Variants in NPAS3 observed in about 807,000 individuals in gnomAD.
The protein encoded by NPAS3 is neuronal PAS domain protein 3.
NPAS3 carries 14 observed loss-of-function variants against 73.1 expected under a neutral mutation model. The observed-to-expected ratio is 0.19, with a 90% CI of 0.13 to 0.30. The LOEUF (loss-of-function observed/expected upper bound fraction) is 0.30, where lower values mean the gene tolerates loss of function less well. Ranked by LOEUF, NPAS3 falls within the 10% of genes least tolerant of loss-of-function variation. The pLI, the probability that NPAS3 is intolerant of heterozygous loss-of-function variation, is 1.00. For synonymous variants in NPAS3, 620 were observed against 541.5 expected (o/e 1.14, Z -2.01); for missense variants, 1,096 against 1,250.0 (o/e 0.88, Z 1.86).
chr14:32,939,816 G>A (rs2035903932), intron 1 of NPAS3, among the ~76,000 whole-genome samples: 2 of 151,454 alleles, frequency 1.3e-5, no homozygotes, highest in Admixed American at 1.3e-4. Flanking sequence ...GGAAGGCGGC[G>A]AGCAGGGGGA....
At chr14:33,457,120 A>G (rs998385980) in intron 4 of NPAS3, among the ~76,000 whole-genome samples, 1 of 152,222 alleles carries the variant, frequency 6.6e-6, no homozygotes, top group Non-Finnish European at 1.5e-5. Flanking sequence ...GTCGCCGTCC[A>G]AATATTTATC....
chr14:33,580,152 A>T (rs2056605792), intron 5 of NPAS3, among the ~76,000 whole-genome samples: 1 of 152,170 alleles, frequency 6.6e-6, no homozygotes, highest in Non-Finnish European at 1.5e-5. Flanking sequence ...ATATTCTAAG[A>T]TGCAGAATTT....
At chr14:33,095,890 T>C (rs1199367667) in intron 2 of NPAS3, among the ~76,000 whole-genome samples, 1 of 151,646 alleles carries the variant, frequency 6.6e-6, no homozygotes, top group Admixed American at 6.6e-5. Context: ...GCCAGGATGG[T>C]CTCGATCTCC....
intron 9 of NPAS3, among the ~76,000 whole-genome samples, chr14:33,784,745 A>ATTTTTTTTTTTTTTTTTT (rs1226491375): frequency 6.8e-5 from 5 of 73,860 alleles, no homozygotes; most frequent in African/African-American, 1.9e-4. Flanking sequence ...TTATTTATTT[A>ATTTTTTTTTTTTTTTTTT]TTTTTTTTTT....
At chr14:32,952,664 C>G (rs2036528940) in intron 1 of NPAS3, among the ~76,000 whole-genome samples, 1 of 152,016 alleles carries the variant, frequency 6.6e-6, no homozygotes, top group South Asian at 2.1e-4. Flanking sequence ...GGTTAAATAC[C>G]TGTGTTGTAC....
chr14:32,939,358 G>A (rs1357828879), exon 1 of NPAS3: 1 of 721,260 alleles, frequency 1.4e-6, no homozygotes, highest in Non-Finnish European at 2.4e-6. Context: ...ATCCTTCCAG[G>A]CGAGAACGGT....
chr14:33,539,694 C>A (rs1454088775), intron 4 of NPAS3, among the ~76,000 whole-genome samples: 1 of 152,154 alleles, frequency 6.6e-6, no homozygotes, highest in South Asian at 2.1e-4. Context: ...TCCATGCACA[C>A]TTTTCTTTCA....
intron 6 of NPAS3, among the ~76,000 whole-genome samples, chr14:33,717,283 A>G (rs995018347): frequency 2.0e-5 from 3 of 150,816 alleles, no homozygotes; most frequent in Non-Finnish European, 1.5e-5. Context: ...TTCCTCAGGG[A>G]CAAAAGGTAG....
chr14:33,663,074 T>C (rs1358056139), intron 5 of NPAS3, among the ~76,000 whole-genome samples: 1 of 151,998 alleles, frequency 6.6e-6, no homozygotes, highest in African/African-American at 2.4e-5. Context: ...TTATTTTTTT[T>C]CTCTTGCCTG....
chr14:33,713,566 T>C (rs2060879793), intron 6 of NPAS3, among the ~76,000 whole-genome samples: 1 of 152,336 alleles, frequency 6.6e-6, no homozygotes, highest in African/African-American at 2.4e-5. Flanking sequence ...TCCTCTGACA[T>C]CCACATTCAG....
intron 3 of NPAS3, among the ~76,000 whole-genome samples, chr14:33,284,266 T>C (rs1367813251): frequency 6.6e-6 from 1 of 152,146 alleles, no homozygotes; most frequent in East Asian, 1.9e-4. Context: ...TGTTTGGCTG[T>C]ATTTTGGGGT....
At chr14:33,165,488 G>C (rs926362230) in intron 2 of NPAS3, among the ~76,000 whole-genome samples, 1 of 152,048 alleles carries the variant, frequency 6.6e-6, no homozygotes, top group Non-Finnish European at 1.5e-5. Context: ...CTAATGTGAG[G>C]AGCTGTGCAG....
upstream of NPAS3, chr14:32,934,792 GC>G: frequency 8.9e-6 from 2 of 225,184 alleles, no homozygotes; most frequent in Non-Finnish European, 7.5e-6. The surrounding 1 kb of genome is among the most constrained non-coding windows in gnomAD (Gnocchi z 4.1). Context: ...CCGAGCCCGA[GC>G]CCCCGCCAGC....
At chr14:33,191,961 G>T (rs1417086010) in intron 2 of NPAS3, among the ~76,000 whole-genome samples, 1 of 152,100 alleles carries the variant, frequency 6.6e-6, no homozygotes, top group Non-Finnish European at 1.5e-5. Context: ...TGTGTGTGTG[G>T]TTTTTTTAAA....
At chr14:33,667,322 T>TAAAAAC (rs1480213486) in intron 5 of NPAS3, among the ~76,000 whole-genome samples, 1 of 152,170 alleles carries the variant, frequency 6.6e-6, no homozygotes, top group Non-Finnish European at 1.5e-5. Flanking sequence ...TGAAATAAAA[T>TAAAAAC]GCCAGATTAC....
At chr14:33,569,676 T>C (rs1324294933) in intron 5 of NPAS3, among the ~76,000 whole-genome samples, 1 of 152,204 alleles carries the variant, frequency 6.6e-6, no homozygotes, top group Non-Finnish European at 1.5e-5. Flanking sequence ...AACATGCAGA[T>C]AGAGGATGGT....
rs10582207 is a variant in NPAS3, at chr14:33,797,863, CATAT to C, written c.1426+295_1426+298del. On this transcript the variant is annotated intron_variant, in intron 11 of 11. Coordinates refer to ENST00000356141, the Ensembl canonical transcript of NPAS3. The stretch of plus-strand genomic sequence containing the variant: ...ACATCTGTGTGTGTGTATATATATA[CATAT>C]ATATATATATATGTTTTTGTGTGTA... Among the ~76,000 whole-genome samples, 282 of 144,982 alleles carry C rather than the reference CATAT, an allele frequency of 1.9e-3. 1 individual carries two copies. The highest frequency in any genetic ancestry group is 6.9e-3 in the African/African-American group (258 of 37,256).
At chr14:33,183,743 C>T (rs1191130415) in intron 2 of NPAS3, among the ~76,000 whole-genome samples, 1 of 152,074 alleles carries the variant, frequency 6.6e-6, no homozygotes, top group Non-Finnish European at 1.5e-5. Flanking sequence ...CAAGACCTGT[C>T]ATTGCCTAAA....
In NPAS3 at chr14:33,396,071, C is replaced by G. The variant is rs1117362; in HGVS notation, c.468+28803C>G. Among the ~76,000 whole-genome samples, 1,138 of 152,222 alleles carry G rather than the reference C, an allele frequency of 7.5e-3. 6 individuals are homozygous for G. The highest frequency in any genetic ancestry group is 0.013 in the Non-Finnish European group (856 of 68,000). ...ATTAACCTTTGACTTGGGCTTGTTT[C>G]AAGGTGTTGTGGGGAGGAAGCCTGA... On this transcript the variant is annotated intron_variant, in intron 4 of 11. Coordinates refer to ENST00000356141, the Ensembl canonical transcript of NPAS3.
Sources: allele counts gnomAD v4.1 joint callset (sites outside exome capture counted in the v4.1 genomes callset), GRCh38; gene constraint gnomAD v4.1.1; non-coding constraint Gnocchi (gnomAD v3.1); transcripts MANE v1.5; gene names NCBI Gene and HGNC (gene_info 2026-07-23, HGNC 2026-07-21).